Variants in MYRIP observed in about 807,000 individuals in gnomAD.
MYRIP encodes the protein myosin VIIA and Rab interacting protein.
MYRIP carries 49 observed loss-of-function variants against 98.0 expected under a neutral mutation model. That is an observed-to-expected ratio of 0.50 (90% CI 0.40 to 0.63). The LOEUF is 0.63. Ranked by LOEUF, MYRIP falls within the 30% of genes least tolerant of loss-of-function variation. MYRIP has a pLI of 0.00. For missense variants in MYRIP, 1,004 were observed against 1,058.2 expected (o/e 0.95, Z 0.71); for synonymous variants, 404 against 409.5 (o/e 0.99, Z 0.16).
At chr3:40,222,309 T>C (rs1020564072) in intron 11 of MYRIP, among the ~76,000 whole-genome samples, 1 of 152,168 alleles carries the variant, frequency 6.6e-6, no homozygotes, top group Non-Finnish European at 1.5e-5. Context: ...ATTGTTGCTA[T>C]GAAAAGGGGT....
chr3:40,063,955 C>T (rs1036552832), intron 3 of MYRIP, among the ~76,000 whole-genome samples: 3 of 151,962 alleles, frequency 2.0e-5, no homozygotes, highest in African/African-American at 4.8e-5. Flanking sequence ...GGGATGCATG[C>T]GCTGGACTTC....
At chr3:40,216,174 A>G (rs945346418) in intron 11 of MYRIP, among the ~76,000 whole-genome samples, 3 of 152,234 alleles carry the variant, frequency 2.0e-5, no homozygotes, top group Non-Finnish European at 4.4e-5. Context: ...ATTACCTGGA[A>G]GGCCAGGATA....
At chr3:39,825,009 G>A (rs1299880847) in intron 1 of MYRIP, among the ~76,000 whole-genome samples, 1 of 152,144 alleles carries the variant, frequency 6.6e-6, no homozygotes. Context: ...TTGAGCCACT[G>A]TGCCCAGCCA....
chr3:39,873,553 A>G (rs1262202753), intron 1 of MYRIP, among the ~76,000 whole-genome samples: 8 of 152,202 alleles, frequency 5.3e-5, no homozygotes, highest in African/African-American at 9.7e-5. Context: ...AGCTTTCTAC[A>G]TATGGCTAGC....
At chr3:39,974,580 C>G (rs898424915) in intron 2 of MYRIP, among the ~76,000 whole-genome samples, 1 of 152,196 alleles carries the variant, frequency 6.6e-6, no homozygotes. Context: ...GTACCAAAGC[C>G]TGGCAGAGAC....
intron 2 of MYRIP, among the ~76,000 whole-genome samples, chr3:39,975,094 G>T (rs1945711759): frequency 6.6e-6 from 1 of 152,182 alleles, no homozygotes; most frequent in Non-Finnish European, 1.5e-5. Flanking sequence ...AGGAAAAAGA[G>T]GAAGTCAAAT....
At chr3:39,915,055 G>C (rs1378410848) in intron 2 of MYRIP, among the ~76,000 whole-genome samples, 2 of 151,960 alleles carry the variant, frequency 1.3e-5, no homozygotes, top group Non-Finnish European at 2.9e-5. Context: ...AAGAACAAAG[G>C]CCTTAACAGT....
At chr3:40,159,875 T>C (rs921551266) in intron 4 of MYRIP, among the ~76,000 whole-genome samples, 1 of 152,226 alleles carries the variant, frequency 6.6e-6, no homozygotes, top group Non-Finnish European at 1.5e-5. Flanking sequence ...TCTGTGTTAG[T>C]TATTCTAGTT....
At chr3:39,915,255 A>G (rs1944126180) in intron 2 of MYRIP, among the ~76,000 whole-genome samples, 1 of 152,034 alleles carries the variant, frequency 6.6e-6, no homozygotes, top group South Asian at 2.1e-4. Flanking sequence ...AACACAAACT[A>G]AATAATAAAA....
At chr3:39,979,729 C>T (rs1302449699) in intron 2 of MYRIP, among the ~76,000 whole-genome samples, 21 of 151,558 alleles carry the variant, frequency 1.4e-4, no homozygotes, top group Admixed American at 1.4e-3. Context: ...TTTTGTCATG[C>T]ATTCACTGGG....
At chr3:39,944,710 A>G (rs2125712164) in intron 2 of MYRIP, among the ~76,000 whole-genome samples, 1 of 152,192 alleles carries the variant, frequency 6.6e-6, no homozygotes, top group East Asian at 1.9e-4. Context: ...GGAAGCTAAG[A>G]AACACATGCT....
At chr3:40,188,748 G>C (rs1415556608) in intron 9 of MYRIP, among the ~76,000 whole-genome samples, 1 of 149,230 alleles carries the variant, frequency 6.7e-6, no homozygotes, top group Non-Finnish European at 1.5e-5. Flanking sequence ...TTGCACTGCA[G>C]CCTGGGCAAC....
At chr3:40,009,200 A>G (rs1368125355) in intron 2 of MYRIP, among the ~76,000 whole-genome samples, 1 of 151,582 alleles carries the variant, frequency 6.6e-6, no homozygotes, top group Non-Finnish European at 1.5e-5. Flanking sequence ...TCTCCTAGGC[A>G]CGGTCACCAC....
chr3:39,951,132 T>G (rs1945003780), intron 2 of MYRIP, among the ~76,000 whole-genome samples: 1 of 152,202 alleles, frequency 6.6e-6, no homozygotes, highest in Non-Finnish European at 1.5e-5. Context: ...TGCCAGTGGT[T>G]TAGATAACTG....
chr3:40,065,116 A>T (rs1378703964), intron 3 of MYRIP, among the ~76,000 whole-genome samples: 1 of 152,176 alleles, frequency 6.6e-6, no homozygotes, highest in East Asian at 1.9e-4. Context: ...TGTAAGAGGA[A>T]TCATCCTTTG....
intron 3 of MYRIP, among the ~76,000 whole-genome samples, chr3:40,114,466 A>G (rs1015053418): frequency 2.0e-5 from 3 of 152,232 alleles, no homozygotes; most frequent in Non-Finnish European, 4.4e-5. Context: ...ACTGTATACC[A>G]TAGCTAACAT....
At chr3:39,813,384 G>A (rs1000401915) in intron 1 of MYRIP, among the ~76,000 whole-genome samples, 2 of 152,204 alleles carry the variant, frequency 1.3e-5, no homozygotes, top group African/African-American at 2.4e-5. Context: ...CTGAGATGCT[G>A]TTTAGAAGAT....
chr3:39,958,424 G>A (rs939396907), intron 2 of MYRIP, among the ~76,000 whole-genome samples: 5 of 152,120 alleles, frequency 3.3e-5, no homozygotes, highest in African/African-American at 9.7e-5. Context: ...AACAAGCAAT[G>A]GGGAAAGGAT....
intron 1 of MYRIP, among the ~76,000 whole-genome samples, chr3:39,878,458 G>T (rs1234363171): frequency 6.6e-6 from 1 of 152,136 alleles, no homozygotes; most frequent in Non-Finnish European, 1.5e-5. Flanking sequence ...GGGAGCTGTA[G>T]ACCAGAGCTG....
Sources: allele counts gnomAD v4.1 joint callset (sites outside exome capture counted in the v4.1 genomes callset), GRCh38; gene constraint gnomAD v4.1.1; transcripts MANE v1.5; gene names NCBI Gene and HGNC (gene_info 2026-07-23, HGNC 2026-07-21).